The following RIF1 variants were observed in gnomAD, a reference collection of about 807,000 sequenced individuals.
RIF1 encodes the protein replication timing regulatory factor 1.
A neutral mutation model predicts 247.1 loss-of-function variants in RIF1; 45 were observed. The observed-to-expected ratio is 0.18, with a 90% CI of 0.14 to 0.23. RIF1 has a LOEUF of 0.23. Among genes scored for constraint, RIF1 ranks in the 10% least tolerant of loss-of-function variants. The probability of loss-of-function intolerance (pLI) is 1.00; values close to 1 mark genes in which losing one functional copy is unlikely to be tolerated. For synonymous variants in RIF1, 1,087 were observed against 978.8 expected (o/e 1.11, Z -2.06); for missense variants, 2,967 against 2,862.5 (o/e 1.04, Z -0.83).
chr2:151,488,798 T>C (rs1056668691), intron 9 of RIF1, among the ~76,000 whole-genome samples: 2 of 152,248 alleles, frequency 1.3e-5, no homozygotes, highest in Admixed American at 6.5e-5. Flanking sequence ...CCTCAGATCA[T>C]ATAATTAAAT....
chr2:151,484,225 A>G (rs1054939282), downstream of RIF1, among the ~76,000 whole-genome samples: 1 of 152,242 alleles, frequency 6.6e-6, no homozygotes, highest in African/African-American at 2.4e-5. Flanking sequence ...GTAAGAGACA[A>G]AGGTTCTGTT....
At chr2:151,514,032 AGT>A in the RIF1 span, among the ~76,000 whole-genome samples, 1 of 152,262 alleles carries the variant, frequency 6.6e-6, no homozygotes, top group Non-Finnish European at 1.5e-5. Flanking sequence ...ACTCCAGTGT[AGT>A]GTTTTCGTGT....
At chr2:151,497,236 A>C (rs2060819551) in intron 10 of RIF1, 1 of 823,336 alleles carries the variant, frequency 1.2e-6, no homozygotes, top group African/African-American at 1.9e-5. Context: ...CTAGAGAAGC[A>C]GGGACCTCAG....
At chr2:151,422,297 A>G (rs1243412150) in intron 7 of RIF1, among the ~76,000 whole-genome samples, 1 of 152,110 alleles carries the variant, frequency 6.6e-6, no homozygotes, top group African/African-American at 2.4e-5. Flanking sequence ...CTAGTTAATG[A>G]TATGCATGCT....
At chr2:151,513,543 C>A in the RIF1 span, 4 of 1,472,918 alleles carry the variant, frequency 2.7e-6, no homozygotes, top group Non-Finnish European at 3.7e-6. Flanking sequence ...GTTACAACTA[C>A]TTTCCTGAAA....
intron 21 of RIF1, among the ~76,000 whole-genome samples, chr2:151,453,286 A>G (rs556946260): frequency 6.6e-6 from 1 of 152,244 alleles, no homozygotes; most frequent in African/African-American, 2.4e-5. Context: ...CTTTCAAAAA[A>G]CAACTTTAGG....
At chr2:151,436,381 A>G (rs1330593338) in intron 11 of RIF1, among the ~76,000 whole-genome samples, 1 of 152,062 alleles carries the variant, frequency 6.6e-6, no homozygotes, top group African/African-American at 2.4e-5. Context: ...TCTACAAAAA[A>G]TTTAAAAATT....
rs146742905 is a variant in RIF1 at position 151,466,992 on chromosome 2, C to A, written c.6600+872C>A. Among the ~76,000 whole-genome samples, 112 of 152,236 alleles carry A rather than the reference C, an allele frequency of 7.4e-4. 3 individuals are homozygous for A. The East Asian group carries it at 0.02, about 27-fold the overall frequency. On this transcript the variant is annotated intron_variant, in intron 30 of 35. Coordinates refer to ENST00000444746, the MANE Select transcript of RIF1 (RefSeq NM_018151.5). ...AATCCCAGGCATGGGATTTGGGAGG[C>A]CAAGGCAGGTGGATCACCTGAGGGT...
intron 34 of RIF1, among the ~76,000 whole-genome samples, chr2:151,471,352 G>C (rs969101748): frequency 2.0e-5 from 3 of 152,150 alleles, no homozygotes; most frequent in African/African-American, 7.2e-5. Flanking sequence ...TTCTTTTGCT[G>C]TGCAGAAGCT....
intron 16 of RIF1, 36 bp downstream of exon 16, chr2:151,442,027 C>T (rs765180017): frequency 3.1e-6 from 2 of 640,222 alleles, no homozygotes; most frequent in South Asian, 3.1e-5. Flanking sequence ...GAAGATTGGC[C>T]AAAAACATTT....
At chr2:151,441,536 T>C (rs2152380115) in intron 15 of RIF1, among the ~76,000 whole-genome samples, 1 of 152,308 alleles carries the variant, frequency 6.6e-6, no homozygotes, top group East Asian at 1.9e-4. Context: ...TGATTTACAG[T>C]GTAATGGCTT....
At chr2:151,501,257 A>G in intron 11 of RIF1, 1 of 561,390 alleles carries the variant, frequency 1.8e-6, no homozygotes, top group Non-Finnish European at 3.2e-6. Context: ...TCTGGAAAAC[A>G]GAAGGATTCA....
downstream of RIF1, among the ~76,000 whole-genome samples, chr2:151,485,019 CTG>C (rs2049475085): frequency 6.6e-6 from 1 of 152,210 alleles, no homozygotes; most frequent in African/African-American, 2.4e-5. Flanking sequence ...GAAGAACAGT[CTG>C]TAAACTTAAA....
downstream of RIF1, chr2:151,486,408 GAA>G (rs1213937326): frequency 6.3e-6 from 1 of 158,474 alleles, no homozygotes; most frequent in Non-Finnish European, 1.4e-5. Flanking sequence ...GGTGGAAGTG[GAA>G]AAGAGTGCAG....
chr2:151,439,972 C>CAAAAAAAAAAAAAAAAA (rs1165450117), intron 14 of RIF1, 55 bp from the exon 15 acceptor site: 2 of 276,674 alleles, frequency 7.2e-6, no homozygotes, highest in East Asian at 8.9e-5. Context: ...GACCCTGTCT[C>CAAAAAAAAAAAAAAAAA]AAAAAAAAAA....
chr2:151,463,236 C>T lies in RIF1; in HGVS notation c.3716C>T (p.Pro1239Leu), dbSNP rs531355018. Reference protein sequence around the residue: ...GSENRPFSPSPLNNISSTVTV... With the variant: ...GSENRPFSPSLLNNISSTVTV... The stretch of plus-strand genomic sequence containing the variant: ...GAAAATAGACCTTTTAGTCCATCCC[C>T]CTTGAATAATATTTCATCAACTGTT... Residue 1239 changes from proline (P) to leucine (L), a missense_variant, in exon 30 of 36, where the codon CCC (proline) becomes CTC (leucine). Pro to Leu is a moderately conservative substitution (Grantham distance 98). Around this residue, in one of 7 missense-constraint regions of RIF1, gnomAD observed 2,028 missense variants for 1,825.6 expected, o/e 1.11. Transcript: ENST00000444746. 9.9e-6 allele frequency: 16 copies of T among 1,613,688 alleles called. No homozygotes were observed. In the African/African-American group the frequency reaches 1.9e-4, roughly 19 times the overall value.
chr2:151,410,320 G>T (rs1223390366), intron 1 of RIF1, 94 bp from the exon 2 acceptor site: 3 of 936,524 alleles, frequency 3.2e-6, no homozygotes, highest in Middle Eastern at 3.2e-4. Flanking sequence ...GGCCCGGGCG[G>T]GCGTGCGGGT....
the RIF1 span, chr2:151,519,078 T>G: frequency 6.4e-7 from 1 of 1,563,092 alleles, no homozygotes; most frequent in South Asian, 1.1e-5. Context: ...ACCTGTGTGT[T>G]ATGGGGGAAG....
chr2:151,440,918 G>A lies in RIF1; in HGVS notation c.1647+791G>A, dbSNP rs117694963. 2.3e-3 allele frequency among the ~76,000 whole-genome samples: 353 copies of A among 152,264 alleles called. 9 individuals are homozygous for A. The East Asian group carries it at 0.046, about 20-fold the overall frequency. On this transcript the variant is annotated intron_variant, in intron 15 of 35. Transcript: ENST00000444746. ...TATTATTATTACTAATCTGTTTCAG[G>A]TGACAGTGTGTGAAAATGTATTTTC...
Sources: allele counts gnomAD v4.1 joint callset (sites outside exome capture counted in the v4.1 genomes callset), GRCh38; gene constraint gnomAD v4.1.1; regional missense constraint gnomAD v4.1.1; transcripts MANE v1.5; gene names NCBI Gene and HGNC (gene_info 2026-07-23, HGNC 2026-07-21).